The following TPH2 variants were observed in gnomAD, a reference collection of about 807,000 sequenced individuals.
TPH2 encodes tryptophan hydroxylase 2.
Under a neutral mutation model 59.1 loss-of-function variants are expected in TPH2, and 27 were observed. The observed-to-expected ratio is 0.46, with a 90% CI of 0.34 to 0.63. The LOEUF (loss-of-function observed/expected upper bound fraction) is 0.63, where lower values mean the gene tolerates loss of function less well. Among genes scored for constraint, TPH2 ranks in the 30% least tolerant of loss-of-function variants. The pLI is 0.01. For missense variants in TPH2, 523 were observed against 588.3 expected (o/e 0.89, Z 1.15); for synonymous variants, 220 against 210.5 (o/e 1.05, Z -0.39).
rs1873746552 is a variant in TPH2 at position 72,032,361 on chromosome 12, G to T, written c.*666G>T. On this transcript the variant is annotated 3_prime_UTR_variant, in exon 11 of 11. Coordinates refer to ENST00000333850, the MANE Select transcript of TPH2 (RefSeq NM_173353.4). ...TTTGGAAGATAGTACTTCCGGAAAG[G>T]ACATTAGGAAAGACTAAACAGTGGA... 1 of 153,980 alleles carries T rather than the reference G, an allele frequency of 6.5e-6. No homozygotes were observed. The highest frequency in any genetic ancestry group is 2.0e-4 in the South Asian group (1 of 4,928). The allele number at this position is 153,980 out of a possible 1,614,324, so 9.5% of individuals were successfully genotyped here.
At chr12:71,973,863 A>G (rs1196093349) in intron 6 of TPH2, among the ~76,000 whole-genome samples, 1 of 152,138 alleles carries the variant, frequency 6.6e-6, no homozygotes, top group Non-Finnish European at 1.5e-5. Context: ...CTGATGTTAC[A>G]CTAGTGAACC....
chr12:71,943,736 C>T (rs1871132460), intron 2 of TPH2, among the ~76,000 whole-genome samples: 1 of 151,870 alleles, frequency 6.6e-6, no homozygotes, highest in East Asian at 1.9e-4. Flanking sequence ...ATATGGGTTA[C>T]AGTTTGGCTA....
In TPH2 at chr12:72,032,017, GC is replaced by G. The variant is rs886049819; in HGVS notation, c.*325del. 4.3e-5 allele frequency: 15 copies of G among 347,524 alleles called. No individual in the cohort carries two copies. The East Asian group carries it at 9.2e-4, about 21-fold the overall frequency. 21.5% of individuals were successfully genotyped at this position (347,524 alleles called of 1,614,324 possible). A position where few individuals can be genotyped will look rare whatever the true frequency, so the allele number is the denominator to read the frequency against. ...TAGCCCTCTTATGAGTCTCATTTAT[GC>G]CCTTTTCTTTTTCAGATCTAAGCCT... On this transcript the variant is annotated 3_prime_UTR_variant, in exon 11 of 11. Coordinates refer to ENST00000333850, the MANE Select transcript of TPH2 (RefSeq NM_173353.4).
chr12:71,981,216 G>A (rs976612192), intron 7 of TPH2, among the ~76,000 whole-genome samples: 4 of 152,164 alleles, frequency 2.6e-5, no homozygotes, highest in Non-Finnish European at 5.9e-5. Context: ...CACGCAAGAG[G>A]CATACATGTG....
chr12:72,016,537 T>C (rs1873260004), intron 8 of TPH2, among the ~76,000 whole-genome samples: 2 of 152,184 alleles, frequency 1.3e-5, no homozygotes, highest in South Asian at 4.1e-4. Context: ...CTTTTTGTTA[T>C]GTTTGGCACA....
rs1377078391 is a variant in TPH2, at chr12:71,963,119, G to A, written c.609-9400G>A. Among the ~76,000 whole-genome samples, 2 of 52,426 alleles carry A rather than the reference G, an allele frequency of 3.8e-5. 1 individual carries two copies. Among genetic ancestry groups the A allele is most frequent in the Non-Finnish European group, 9.7e-5 (2 of 20,652 alleles). The allele number at this position is 52,426 out of a possible 152,430, so 34.4% of individuals were successfully genotyped here. On this transcript the variant is annotated intron_variant, in intron 5 of 10. Transcript: ENST00000333850. Reference sequence around the variant, plus strand: ...CTTCAAAAACTGTATATCCTAATAGGGAGACACATTTAGCAGAGTAATATT... The same window carrying A: ...CTTCAAAAACTGTATATCCTAATAGAGAGACACATTTAGCAGAGTAATATT...
intron 5 of TPH2, chr12:71,962,068 G>C: frequency 1.0e-6 from 1 of 1,003,580 alleles, no homozygotes; most frequent in South Asian, 4.3e-5. Flanking sequence ...CTGGCCTAGG[G>C]GACTAGCTGA....
chr12:71,951,827 A>T (rs138244908), intron 5 of TPH2, among the ~76,000 whole-genome samples: 1,758 of 152,040 alleles, frequency 0.012, 32 homozygotes, highest in African/African-American at 0.041. Context: ...GGAGTTCAAG[A>T]CCAGCCTGAC....
At chr12:71,946,295 AT>A (rs1363568100) in intron 4 of TPH2, among the ~76,000 whole-genome samples, 1 of 152,170 alleles carries the variant, frequency 6.6e-6, no homozygotes, top group Admixed American at 6.5e-5. Flanking sequence ...ACACTAAAGG[AT>A]TTTTTGATAA....
At chr12:71,997,315 C>T (rs553081564) in intron 8 of TPH2, among the ~76,000 whole-genome samples, 1 of 152,278 alleles carries the variant, frequency 6.6e-6, no homozygotes, top group African/African-American at 2.4e-5. Context: ...GATAATCTTC[C>T]CGTCTCACTA....
At chr12:72,006,891 A>G (rs1872968644) in intron 8 of TPH2, among the ~76,000 whole-genome samples, 1 of 152,094 alleles carries the variant, frequency 6.6e-6, no homozygotes, top group African/African-American at 2.4e-5. Context: ...TGCATTGTGA[A>G]GCTGCTTAGC....
chr12:71,953,184 AAGC>A (rs1187378798), intron 5 of TPH2, among the ~76,000 whole-genome samples: 2 of 150,590 alleles, frequency 1.3e-5, no homozygotes, highest in African/African-American at 4.9e-5. Context: ...TGCACATGGG[AAGC>A]TGCCAAAATA....
At chr12:71,943,813 A>T (rs1214183443) in intron 2 of TPH2, among the ~76,000 whole-genome samples, 10 of 151,970 alleles carry the variant, frequency 6.6e-5, no homozygotes, top group African/African-American at 1.7e-4. Flanking sequence ...TGTACTGTCT[A>T]CTTATAAAAA....
intron 5 of TPH2, chr12:71,962,334 C>G: frequency 1.0e-6 from 1 of 985,400 alleles, no homozygotes; most frequent in Non-Finnish European, 1.2e-6. Context: ...CAATGTTCAG[C>G]CAAGGAAACA....
chr12:71,962,353 TTTA>T lies in TPH2; in HGVS notation c.609-10165_609-10163del, dbSNP rs1394503915. The stretch of plus-strand genomic sequence containing the variant: ...GTTCAGCCAAGGAAACATCTCTGTA[TTTA>T]GTTAAGTTCGGACTTTTCTGTCCCT... On this transcript the variant is annotated intron_variant, in intron 5 of 10. Coordinates refer to ENST00000333850, the MANE Select transcript of TPH2 (RefSeq NM_173353.4). The T allele has an allele frequency of 8.1e-6, 8 of 985,364 alleles. No individual in the cohort carries two copies. In the African/African-American group the frequency reaches 1.4e-4, roughly 17 times the overall value. 61.0% of individuals were successfully genotyped at this position (985,364 alleles called of 1,614,324 possible).
At chr12:71,987,657 TG>T (rs1241521417) in intron 7 of TPH2, among the ~76,000 whole-genome samples, 1 of 152,118 alleles carries the variant, frequency 6.6e-6, no homozygotes, top group Non-Finnish European at 1.5e-5. Flanking sequence ...GAGACCAGCC[TG>T]GCCCAACATG....
In TPH2 at chr12:71,979,091, AG is replaced by A. The variant is rs1566137387; in HGVS notation, c.941+5del. The A allele has an allele frequency of 6.2e-7, 1 of 1,614,122 alleles. No individual in the cohort carries two copies. The stretch of plus-strand genomic sequence containing the variant: ...ATCCCCTCTACACCCCAGAACCGTG[AG>A]TACCTACATTAAAGCCCAGGCCACC... On this transcript the variant is annotated splice_donor_5th_base_variant and intron_variant, in intron 7 of 10. Coordinates refer to ENST00000333850, the MANE Select transcript of TPH2 (RefSeq NM_173353.4).
chr12:71,973,833 G>T (rs934643271), intron 6 of TPH2, among the ~76,000 whole-genome samples: 1 of 152,154 alleles, frequency 6.6e-6, no homozygotes, highest in Non-Finnish European at 1.5e-5. Flanking sequence ...TAATTTGTGT[G>T]TCAGGGATTG....
intron 5 of TPH2, chr12:71,964,371 C>T: frequency 7.8e-6 from 2 of 255,970 alleles, no homozygotes; most frequent in Non-Finnish European, 1.2e-5. Flanking sequence ...CAACCTCCGC[C>T]TCCTGGGTTC....
Sources: allele counts gnomAD v4.1 joint callset (sites outside exome capture counted in the v4.1 genomes callset), GRCh38; gene constraint gnomAD v4.1.1; transcripts MANE v1.5; gene names NCBI Gene and HGNC (gene_info 2026-07-23, HGNC 2026-07-21).